Variants in TRABD2A observed in about 807,000 individuals in gnomAD.
TRABD2A encodes the protein metalloprotease TIKI1.
Under a neutral mutation model 45.6 loss-of-function variants are expected in TRABD2A, and 43 were observed. That is an observed-to-expected ratio of 0.94 (90% confidence interval 0.74 to 1.22). The LOEUF (loss-of-function observed/expected upper bound fraction) is 1.22, where lower values mean the gene tolerates loss of function less well. Ranked by LOEUF, TRABD2A falls within the 50% of genes most tolerant of loss-of-function variation. The pLI is 0.00. For missense variants in TRABD2A, 642 were observed against 652.4 expected (o/e 0.98, Z 0.17); for synonymous variants, 269 against 265.0 (o/e 1.02, Z -0.15).
At chr2:84,850,184 A>G (rs1275234866) in intron 2 of TRABD2A, among the ~76,000 whole-genome samples, 1 of 152,152 alleles carries the variant, frequency 6.6e-6, no homozygotes, top group Non-Finnish European at 1.5e-5. Context: ...ATCTTTCAAC[A>G]GCACCTGGGG....
intron 5 of TRABD2A, among the ~76,000 whole-genome samples, chr2:84,828,247 A>G (rs1681206722): frequency 6.6e-6 from 1 of 152,016 alleles, no homozygotes; most frequent in African/African-American, 2.4e-5. Flanking sequence ...ACACACCAAC[A>G]TGCACACCCA....
At chr2:84,836,658 A>G (rs1449925752) in intron 4 of TRABD2A, 1 of 151,558 alleles carries the variant, frequency 6.6e-6, no homozygotes, top group East Asian at 1.9e-4. Context: ...GTCTTCTGGG[A>G]CTCCCGTTAG....
intron 2 of TRABD2A, among the ~76,000 whole-genome samples, chr2:84,849,836 T>A (rs1266881932): frequency 6.6e-6 from 1 of 152,220 alleles, no homozygotes; most frequent in Non-Finnish European, 1.5e-5. Context: ...CCATAGCTTT[T>A]AGAGTCTGAC....
At chr2:84,844,121 T>C (rs1412598347) in intron 2 of TRABD2A, 1 of 152,124 alleles carries the variant, frequency 6.6e-6, no homozygotes, top group Non-Finnish European at 1.5e-5. Flanking sequence ...ATCCCTCTAT[T>C]GGTCACAAGC....
intron 5 of TRABD2A, 125 bp from the exon 6 acceptor site, chr2:84,824,329 G>A: frequency 7.4e-7 from 1 of 1,355,784 alleles, no homozygotes; most frequent in Non-Finnish European, 9.9e-7. Flanking sequence ...AGCTGGCCAG[G>A]AAGGGCAGAA....
chr2:84,868,669 GAAA>G (rs1682773003), intron 2 of TRABD2A, among the ~76,000 whole-genome samples: 1 of 144,076 alleles, frequency 6.9e-6, no homozygotes, highest in South Asian at 2.3e-4. Context: ...TAAAGTATAA[GAAA>G]AAAAGAAAGA....
At chr2:84,873,687 A>G (rs1168048616) in intron 1 of TRABD2A, among the ~76,000 whole-genome samples, 1 of 152,264 alleles carries the variant, frequency 6.6e-6, no homozygotes, top group Non-Finnish European at 1.5e-5. Context: ...TGCTAATCAA[A>G]AGTTGAGATT....
At chr2:84,865,636 G>A (rs1223554815) in intron 2 of TRABD2A, among the ~76,000 whole-genome samples, 1 of 152,202 alleles carries the variant, frequency 6.6e-6, no homozygotes, top group East Asian at 1.9e-4. Flanking sequence ...GGAGACCGGA[G>A]CTTTCCCAGA....
intron 5 of TRABD2A, 82 bp downstream of exon 5, chr2:84,831,973 A>G: frequency 6.9e-7 from 1 of 1,443,248 alleles, no homozygotes; most frequent in Non-Finnish European, 9.7e-7. Flanking sequence ...GGAGCTCCTC[A>G]AGATAGCAGC....
Position 84,881,004 on chromosome 2 carries a change from G to A in TRABD2A, c.36C>T (p.Leu12=), listed in dbSNP as rs1479923783. ...AAGCTGCGCCCGTGGGCAGGAGGCA[G>A]AGGGTCTGCAGCAGGAACCAGCTCC... is the stretch of plus-strand genomic sequence containing the variant. The part of the protein sequence containing the change: ...SPWSWFLLQT[L]CLLPTGAASR... The change falls in exon 1 of 7, where the codon CTC becomes CTT. Residue 12 remains leucine, a synonymous_variant. Coordinates refer to ENST00000409520, the MANE Select transcript of TRABD2A (RefSeq NM_001277053.2). The A allele has an allele frequency of 6.2e-7, 1 of 1,606,004 alleles. No individual in the cohort carries two copies. Among genetic ancestry groups the A allele is most frequent in the African/African-American group, 1.3e-5 (1 of 74,986 alleles).
intron 1 of TRABD2A, among the ~76,000 whole-genome samples, chr2:84,872,746 G>T (rs1682904129): frequency 6.6e-6 from 1 of 152,196 alleles, no homozygotes; most frequent in African/African-American, 2.4e-5. Flanking sequence ...GGGAAACATA[G>T]GGTTAAGTTC....
intron 2 of TRABD2A, among the ~76,000 whole-genome samples, chr2:84,844,152 C>T (rs983112145): frequency 7.9e-5 from 12 of 152,152 alleles, no homozygotes; most frequent in African/African-American, 2.7e-4. Context: ...AACAAATCTG[C>T]TTGGTCATGC....
In TRABD2A at chr2:84,830,832, G is replaced by C. The variant is rs1051210122; in HGVS notation, c.1082+1223C>G. The stretch of plus-strand genomic sequence containing the variant: ...GGGAGACAAGGTGCAGTGAAGGGGG[G>C]CCTTCTGAGGAGAAAGAGGGCAGCT... On this transcript the variant is annotated intron_variant, in intron 5 of 6. Transcript: ENST00000409520. This position sits in a 1 kb window ranked among gnomAD's most constrained non-coding sequence, Gnocchi z 4.9. Among the ~76,000 whole-genome samples the C allele has an allele frequency of 1.3e-5, 2 of 152,190 alleles. No homozygotes were observed. Among genetic ancestry groups the C allele is most frequent in the East Asian group, 3.9e-4 (2 of 5,192 alleles).
intron 4 of TRABD2A, 159 bp from the exon 5 acceptor site, chr2:84,832,304 A>G: frequency 1.5e-6 from 1 of 678,684 alleles, no homozygotes; most frequent in Non-Finnish European, 2.5e-6. Flanking sequence ...CAGGCCTGCC[A>G]ACAGTCCTGC....
intron 2 of TRABD2A, among the ~76,000 whole-genome samples, chr2:84,866,816 G>T (rs961031079): frequency 1.3e-5 from 2 of 152,146 alleles, no homozygotes; most frequent in African/African-American, 4.8e-5. Flanking sequence ...CAGGTGTGGC[G>T]GCTCACGCCT....
At chr2:84,864,292 G>A (rs1682599650) in intron 2 of TRABD2A, among the ~76,000 whole-genome samples, 1 of 152,174 alleles carries the variant, frequency 6.6e-6, no homozygotes, top group African/African-American at 2.4e-5. Flanking sequence ...AATGAGGATT[G>A]CCATGTAGGA....
rs1681282041 is a variant in TRABD2A, at chr2:84,830,035, A to G, written c.1082+2020T>C. ...ACTCCACACACATTACACCACACAC[A>G]CGTACACACTCCCCAGGTAGGGCCC... On this transcript the variant is annotated intron_variant, in intron 5 of 6. Coordinates refer to ENST00000409520, the MANE Select transcript of TRABD2A (RefSeq NM_001277053.2). This position sits in a 1 kb window ranked among gnomAD's most constrained non-coding sequence, Gnocchi z 4.9. 1.3e-5 allele frequency among the ~76,000 whole-genome samples: 2 copies of G among 151,850 alleles called. No individual in the cohort carries two copies. Among genetic ancestry groups the G allele is most frequent in the African/African-American group, 4.8e-5 (2 of 41,330 alleles).
intron 2 of TRABD2A, among the ~76,000 whole-genome samples, chr2:84,865,674 G>T (rs11676817): frequency 6.6e-6 from 1 of 152,190 alleles, no homozygotes; most frequent in African/African-American, 2.4e-5. Flanking sequence ...CACGACGTCC[G>T]ATCACTTGGT....
chr2:84,840,212 C>T (rs1169551464), intron 3 of TRABD2A, among the ~76,000 whole-genome samples: 3 of 152,198 alleles, frequency 2.0e-5, no homozygotes, highest in East Asian at 3.8e-4. Context: ...AACAGATCTC[C>T]TTTTGCGACG....
Sources: gnomAD v4.1 joint callset for allele counts (sites outside exome capture counted in the v4.1 genomes callset) on GRCh38, gnomAD v4.1.1 for gene constraint, Gnocchi (gnomAD v3.1) non-coding constraint, MANE v1.5 for transcripts, NCBI Gene and HGNC (gene_info 2026-07-23, HGNC 2026-07-21) for gene names.